The following LARGE1 variants were observed in gnomAD, a reference collection of about 807,000 sequenced individuals.
LARGE1 encodes LARGE xylosyl- and glucuronyltransferase 1.
LARGE1 carries 43 observed loss-of-function variants against 87.6 expected under a neutral mutation model. That is an observed-to-expected ratio of 0.49 (90% CI 0.38 to 0.63). LARGE1 has a LOEUF of 0.63. Among genes scored for constraint, LARGE1 ranks in the 30% least tolerant of loss-of-function variants. The pLI, the probability that LARGE1 is intolerant of heterozygous loss-of-function variation, is 0.00. For missense variants in LARGE1, 802 were observed against 1,000.2 expected (o/e 0.80, Z 2.67); for synonymous variants, 434 against 394.6 (o/e 1.10, Z -1.18).
intron 11 of LARGE1, among the ~76,000 whole-genome samples, chr22:33,227,432 T>C (rs377677928): frequency 5.9e-5 from 9 of 152,282 alleles, no homozygotes; most frequent in Admixed American, 1.3e-4. Context: ...AGAAGTACCA[T>C]GACTCAGACA....
chr22:33,593,319 A>C (rs911135714), intron 5 of LARGE1, among the ~76,000 whole-genome samples: 1 of 152,208 alleles, frequency 6.6e-6, no homozygotes, highest in African/African-American at 2.4e-5. Context: ...CTGGGATTAC[A>C]GGCGTGAGCC....
chr22:33,179,740 C>T (rs1398812023), intron 11 of LARGE1, among the ~76,000 whole-genome samples: 1 of 152,152 alleles, frequency 6.6e-6, no homozygotes, highest in Non-Finnish European at 1.5e-5. Context: ...TAGCAACTGC[C>T]AGCAGACTCC....
chr22:33,901,396 AC>A (rs2065279549), intron 1 of LARGE1, among the ~76,000 whole-genome samples: 1 of 152,224 alleles, frequency 6.6e-6, no homozygotes, highest in African/African-American at 2.4e-5. Flanking sequence ...TAAGCACCTT[AC>A]CCAAGGGGAG....
At chr22:33,404,128 G>C (rs186984498) in intron 7 of LARGE1, among the ~76,000 whole-genome samples, 109 of 152,316 alleles carry the variant, frequency 7.2e-4, no homozygotes, top group Non-Finnish European at 1.2e-3. Flanking sequence ...AGGGAGGGGA[G>C]ATAAAGAAAG....
At chr22:33,134,701 A>G in the LARGE1 span, among the ~76,000 whole-genome samples, 1 of 152,204 alleles carries the variant, frequency 6.6e-6, no homozygotes, top group East Asian at 1.9e-4. Context: ...CTGGTGCACC[A>G]GGTAAGAAGT....
intron 4 of LARGE1, among the ~76,000 whole-genome samples, chr22:33,611,542 T>C (rs1453820950): frequency 6.6e-6 from 1 of 152,198 alleles, no homozygotes; most frequent in Non-Finnish European, 1.5e-5. Flanking sequence ...CCATTGCATC[T>C]TGGAAGTAAA....
At chr22:33,190,684 T>C (rs1923728689) in intron 11 of LARGE1, among the ~76,000 whole-genome samples, 1 of 152,116 alleles carries the variant, frequency 6.6e-6, no homozygotes, top group South Asian at 2.1e-4. Flanking sequence ...CAAATGCAGA[T>C]CTTGGTGGGG....
In LARGE1 at chr22:33,905,701, A is replaced by T. The variant is rs186920465; in HGVS notation, c.-83+14294T>A. On this transcript the variant is annotated intron_variant, in intron 1 of 14. Coordinates refer to ENST00000397394, the MANE Select transcript of LARGE1 (RefSeq NM_133642.5). ...AAAGGGAAAGAGGCAACCATGTGGCATTGCTGTGATTAGAAGGACCTCAAC... is the reference window on the plus strand; with the variant it reads ...AAAGGGAAAGAGGCAACCATGTGGCTTTGCTGTGATTAGAAGGACCTCAAC... 2.4e-4 allele frequency among the ~76,000 whole-genome samples: 37 copies of T among 152,180 alleles called. 1 individual carries two copies. Among genetic ancestry groups the T allele is most frequent in the Admixed American group, 4.6e-4 (7 of 15,280 alleles).
At chr22:33,709,442 G>C (rs1339566360) in intron 2 of LARGE1, among the ~76,000 whole-genome samples, 1 of 152,122 alleles carries the variant, frequency 6.6e-6, no homozygotes, top group African/African-American at 2.4e-5. Flanking sequence ...CTCATATCTA[G>C]GGTCTATCTA....
intron 7 of LARGE1, among the ~76,000 whole-genome samples, chr22:33,400,922 A>G (rs926047108): frequency 6.6e-6 from 1 of 152,160 alleles, no homozygotes; most frequent in African/African-American, 2.4e-5. Flanking sequence ...TGCCAGACAC[A>G]TATTCTCAGT....
At chr22:33,311,284 T>C (rs1454550670) in intron 11 of LARGE1, among the ~76,000 whole-genome samples, 1 of 152,200 alleles carries the variant, frequency 6.6e-6, no homozygotes, top group South Asian at 2.1e-4. Context: ...AAATGCACTG[T>C]GTCTGCAGCC....
chr22:33,107,926 A>G, the LARGE1 span, among the ~76,000 whole-genome samples: 1 of 151,632 alleles, frequency 6.6e-6, no homozygotes, highest in Non-Finnish European at 1.5e-5. Flanking sequence ...TTTTTTTGCC[A>G]TCAACTTTTT....
chr22:33,814,121 A>G (rs1312158086), intron 1 of LARGE1, among the ~76,000 whole-genome samples: 1 of 152,208 alleles, frequency 6.6e-6, no homozygotes, highest in African/African-American at 2.4e-5. Flanking sequence ...ATGACATAGT[A>G]TTCACTCTTG....
chr22:33,701,512 T>C (rs1476223171), intron 2 of LARGE1, among the ~76,000 whole-genome samples: 2 of 152,168 alleles, frequency 1.3e-5, no homozygotes, highest in Non-Finnish European at 2.9e-5. Flanking sequence ...AACAGTGCCA[T>C]TGACTTCCCT....
intron 10 of LARGE1, among the ~76,000 whole-genome samples, chr22:33,318,799 T>G (rs1315178749): frequency 6.6e-6 from 1 of 152,148 alleles, no homozygotes; most frequent in Non-Finnish European, 1.5e-5. Flanking sequence ...TTCCATTTTT[T>G]TTTTTCTGTT....
At chr22:33,443,897 C>T (rs112407785) in intron 6 of LARGE1, among the ~76,000 whole-genome samples, 19 of 152,374 alleles carry the variant, frequency 1.2e-4, no homozygotes, top group Admixed American at 5.9e-4. Flanking sequence ...ACCTCTCAGA[C>T]GAGGCCTCCA....
At chr22:33,897,206 C>A (rs1451570494) in intron 1 of LARGE1, among the ~76,000 whole-genome samples, 4 of 152,162 alleles carry the variant, frequency 2.6e-5, no homozygotes, top group African/African-American at 9.7e-5. Context: ...TCCCACACAC[C>A]CTTCTTTGCA....
the LARGE1 span, among the ~76,000 whole-genome samples, chr22:33,090,071 TG>T: frequency 2.0e-5 from 3 of 152,058 alleles, no homozygotes; most frequent in South Asian, 6.2e-4. Flanking sequence ...CCAGATGTGG[TG>T]GTGGGCACCT....
intron 7 of LARGE1, among the ~76,000 whole-genome samples, chr22:33,418,945 G>A (rs1443878245): frequency 6.6e-6 from 1 of 152,134 alleles, no homozygotes; most frequent in Admixed American, 6.5e-5. Context: ...GAAAGCGAGG[G>A]CACTTGGGGT....
Sources: gnomAD v4.1 joint callset for allele counts (sites outside exome capture counted in the v4.1 genomes callset) on GRCh38, gnomAD v4.1.1 for gene constraint, MANE v1.5 for transcripts, NCBI Gene and HGNC (gene_info 2026-07-23, HGNC 2026-07-21) for gene names.